The following FRMD6 variants were observed in gnomAD, a reference collection of about 807,000 sequenced individuals.
The protein encoded by FRMD6 is FERM domain containing 6, also known as FERM domain-containing protein 6.
A neutral mutation model predicts 73.2 loss-of-function variants in FRMD6; 37 were observed. The ratio of observed to expected loss-of-function variants is 0.51; its 90% confidence interval spans 0.39 to 0.66. The LOEUF (loss-of-function observed/expected upper bound fraction) is 0.66. Ranked by LOEUF, FRMD6 falls within the 30% of genes least tolerant of loss-of-function variation. The pLI is 0.00. For missense variants in FRMD6, 714 were observed against 780.5 expected, an observed-to-expected ratio of 0.91 and a Z score of 1.02; for synonymous variants, 273 against 282.2, an observed-to-expected ratio of 0.97 and a Z score of 0.33.
chr14:51,682,167 T>A (rs1894845854), intron 1 of FRMD6, among the ~76,000 whole-genome samples: 4 of 152,226 alleles, frequency 2.6e-5, no homozygotes, highest in Admixed American at 1.3e-4. Flanking sequence ...TTTTGAATTA[T>A]TTTCTACTTA....
intron 5 of FRMD6, among the ~76,000 whole-genome samples, chr14:51,703,070 G>T (rs1013357299): frequency 2.6e-5 from 4 of 151,984 alleles, no homozygotes; most frequent in African/African-American, 9.7e-5. Flanking sequence ...TTGGGGTCTT[G>T]TTTATATTCT....
chr14:51,396,535 G>A, the FRMD6 span, among the ~76,000 whole-genome samples: 4 of 152,150 alleles, frequency 2.6e-5, no homozygotes, highest in South Asian at 4.1e-4. Context: ...GTACAGCCAC[G>A]GAACGCAGCT....
intron 2 of FRMD6, among the ~76,000 whole-genome samples, chr14:51,635,890 C>G (rs1243338034): frequency 6.6e-6 from 1 of 152,204 alleles, no homozygotes; most frequent in African/African-American, 2.4e-5. Flanking sequence ...CTCCTATTTT[C>G]CTGCTAAAGA....
chr14:51,589,942 C>T (rs751944001), intron 2 of FRMD6, among the ~76,000 whole-genome samples: 8 of 151,952 alleles, frequency 5.3e-5, no homozygotes, highest in Non-Finnish European at 1.0e-4. Flanking sequence ...GTGGCAGGCA[C>T]CTGTAATTCC....
chr14:51,605,866 C>A (rs1566498591), intron 2 of FRMD6, among the ~76,000 whole-genome samples: 1 of 152,164 alleles, frequency 6.6e-6, no homozygotes, highest in Non-Finnish European at 1.5e-5. Context: ...AAGAGCTGTA[C>A]CCCCGAGTCT....
chr14:51,521,156 A>G (rs897276850), intron 1 of FRMD6, among the ~76,000 whole-genome samples: 1 of 152,162 alleles, frequency 6.6e-6, no homozygotes, highest in Non-Finnish European at 1.5e-5. Context: ...GGTGACGAAA[A>G]TGTTCTGTAT....
rs1885081049 is a variant in FRMD6 at position 51,523,859 on chromosome 14, T to C, written c.-210+34439T>C. On this transcript the variant is annotated intron_variant, in intron 1 of 14. Coordinates refer to the FRMD6 transcript ENST00000356218. ...CAGTGTTACACGTTTGGAAGTGTGC[T>C]CTATAACAGTGTTGTTGACCAAATT... Among the ~76,000 whole-genome samples, 5 of 152,342 alleles carry C rather than the reference T, an allele frequency of 3.3e-5. No individual in the cohort carries two copies. In the South Asian group the frequency reaches 8.3e-4, roughly 25 times the overall value.
intron 1 of FRMD6, among the ~76,000 whole-genome samples, chr14:51,543,183 T>G (rs1251297486): frequency 6.6e-6 from 1 of 152,042 alleles, no homozygotes; most frequent in Non-Finnish European, 1.5e-5. Flanking sequence ...GTAAAACAAC[T>G]AATCTTGCAC....
chr14:51,519,776 A>G (rs977507362), intron 1 of FRMD6, among the ~76,000 whole-genome samples: 1 of 152,200 alleles, frequency 6.6e-6, no homozygotes, highest in African/African-American at 2.4e-5. Context: ...GGAATGAGGC[A>G]GAGACTCCTG....
chr14:51,554,422 G>T (rs1476745185), intron 1 of FRMD6, among the ~76,000 whole-genome samples: 4 of 152,152 alleles, frequency 2.6e-5, no homozygotes, highest in Non-Finnish European at 4.4e-5. Flanking sequence ...AAAGAGTATA[G>T]TCTGGGAAGA....
At chr14:51,430,575 CA>C in the FRMD6 span, among the ~76,000 whole-genome samples, 1 of 150,512 alleles carries the variant, frequency 6.6e-6, no homozygotes, top group African/African-American at 2.4e-5. Flanking sequence ...AAGTCAAGGT[CA>C]AACTCTACAT....
intron 10 of FRMD6, chr14:51,717,333 GA>G: frequency 6.6e-6 from 1 of 152,270 alleles, no homozygotes; most frequent in Non-Finnish European, 1.5e-5. Context: ...ATGGAAGGTG[GA>G]AGGGTAAAGA....
the FRMD6 span, among the ~76,000 whole-genome samples, chr14:51,430,726 A>C: frequency 6.6e-6 from 1 of 152,216 alleles, no homozygotes; most frequent in Non-Finnish European, 1.5e-5. Context: ...GCAGCAGTAC[A>C]AAACATGAAC....
intron 1 of FRMD6, among the ~76,000 whole-genome samples, chr14:51,491,067 G>T (rs1033328506): frequency 6.6e-6 from 1 of 152,174 alleles, no homozygotes; most frequent in African/African-American, 2.4e-5. Context: ...ATGGGGAGTG[G>T]GGTGGGTGGA....
At chr14:51,474,475 G>T in the FRMD6 span, among the ~76,000 whole-genome samples, 2 of 152,220 alleles carry the variant, frequency 1.3e-5, no homozygotes, top group African/African-American at 4.8e-5. Context: ...GCAGAAATCA[G>T]TGGGGCTGGT....
chr14:51,459,683 C>T, the FRMD6 span, among the ~76,000 whole-genome samples: 4 of 151,692 alleles, frequency 2.6e-5, no homozygotes, highest in Non-Finnish European at 5.9e-5. Flanking sequence ...AAAAAATAGC[C>T]GGGCGTGGTG....
At chr14:51,530,005 C>A (rs1284088067) in intron 1 of FRMD6, among the ~76,000 whole-genome samples, 6 of 152,194 alleles carry the variant, frequency 3.9e-5, no homozygotes, top group African/African-American at 1.4e-4. Context: ...TGAGCTGGAG[C>A]CAGCTCCTAC....
intron 1 of FRMD6, among the ~76,000 whole-genome samples, chr14:51,495,978 C>G (rs1883268144): frequency 6.6e-6 from 1 of 152,166 alleles, no homozygotes. Flanking sequence ...TGTCCCTACC[C>G]ACATTCTATA....
At position 51,549,591 on chromosome 14, in the gene FRMD6, C is replaced by CTTTTTT. The variant is rs1168905376; in HGVS notation, c.-209-20754_-209-20753insTTTTTT. On this transcript the variant is annotated intron_variant, in intron 1 of 14. Coordinates refer to the FRMD6 transcript ENST00000356218. ...CAGCTGGAGTATAAACTTTTTTTTT[C>CTTTTTT]TTTCTTTTTTTTTTTTTTTTTTTTG... Among the ~76,000 whole-genome samples the CTTTTTT allele has an allele frequency of 9.2e-4, 86 of 93,568 alleles. 3 individuals carry two copies. The highest frequency in any genetic ancestry group is 4.1e-3 in the East Asian group (14 of 3,388). The allele number at this position is 93,568 out of a possible 152,430, so 61.4% of individuals were successfully genotyped here.
Sources: gnomAD v4.1 joint callset for allele counts (sites outside exome capture counted in the v4.1 genomes callset) on GRCh38, gnomAD v4.1.1 for gene constraint, MANE v1.5 for transcripts, NCBI Gene and HGNC (gene_info 2026-07-23, HGNC 2026-07-21) for gene names.